Variants in CDCA8 observed in about 807,000 individuals in gnomAD.
CDCA8 encodes borealin.
CDCA8 carries 25 observed loss-of-function variants against 40.0 expected under a neutral mutation model. The observed-to-expected ratio is 0.63, with a 90% confidence interval of 0.46 to 0.87. CDCA8 has a LOEUF of 0.87. CDCA8 is among the 40% of genes least tolerant of loss of function. The pLI is 0.00. For synonymous variants in CDCA8, 111 were observed against 126.5 expected, an observed-to-expected ratio of 0.88 and a Z score of 0.82; for missense variants, 280 against 348.4, an observed-to-expected ratio of 0.80 and a Z score of 1.56.
intron 9 of CDCA8, among the ~76,000 whole-genome samples, chr1:37,707,679 G>A (rs1645610801): frequency 6.6e-6 from 1 of 152,192 alleles, no homozygotes; most frequent in Non-Finnish European, 1.5e-5. Context: ...AGAGGGCCAG[G>A]CACAGTGGCA....
rs776319476 is a variant in CDCA8 at position 37,705,426 on chromosome 1, A to C, written c.585-15A>C. ...CAATTGCCAAGCTATCTTCACAGAG[A>C]TTTTCCCATTCTAGGGTCTTCAAGA... On this transcript the variant is annotated splice_polypyrimidine_tract_variant and intron_variant, in intron 7 of 9. Transcript: ENST00000373055. The C allele has an allele frequency of 5.3e-5, 85 of 1,610,836 alleles. No individual in the cohort carries two copies. In the South Asian group the frequency reaches 6.4e-4, roughly 12 times the overall value.
chr1:37,699,895 G>A (rs966740552), intron 4 of CDCA8, among the ~76,000 whole-genome samples: 1 of 151,958 alleles, frequency 6.6e-6, no homozygotes, highest in African/African-American at 2.4e-5. Flanking sequence ...ACTCTAGCCT[G>A]GGCGATAGAG....
chr1:37,693,737 C>T (rs1266194858), intron 2 of CDCA8, among the ~76,000 whole-genome samples: 2 of 152,150 alleles, frequency 1.3e-5, no homozygotes, highest in African/African-American at 2.4e-5. Context: ...ATATTTTACC[C>T]ATTTAAAAAT....
rs1233529189 is a variant in CDCA8, at chr1:37,709,072, T to A, written c.*706T>A. On this transcript the variant is annotated 3_prime_UTR_variant, in exon 10 of 10. Transcript: ENST00000373055. ...CTGAAGTCTGCTTGTGGAGCAGTGT[T>A]TTATGTTTATCCCTGTTTACTGAAG... 2 of 152,414 alleles carry A rather than the reference T, an allele frequency of 1.3e-5. No individual in the cohort carries two copies. Among genetic ancestry groups the A allele is most frequent in the Non-Finnish European group, 2.9e-5 (2 of 68,260 alleles). The allele number at this position is 152,414 out of a possible 1,614,324, so 9.4% of individuals were successfully genotyped here.
chr1:37,699,781 G>A (rs559838491), intron 4 of CDCA8, among the ~76,000 whole-genome samples: 12 of 152,050 alleles, frequency 7.9e-5, no homozygotes, highest in Non-Finnish European at 1.5e-4. Context: ...TTAGCCGGGC[G>A]TGGTGGCGGG....
chr1:37,699,366 G>A (rs758339380), intron 4 of CDCA8, among the ~76,000 whole-genome samples: 3 of 152,160 alleles, frequency 2.0e-5, no homozygotes, highest in South Asian at 2.1e-4. Context: ...CAACTGAGAC[G>A]CTCCCTGATG....
chr1:37,700,573 A>T (rs1359720559), intron 5 of CDCA8, 52 bp downstream of exon 5: 1 of 1,029,000 alleles, frequency 9.7e-7, no homozygotes, highest in Non-Finnish European at 1.5e-6. Context: ...ACAAGCAAAT[A>T]CAAATGCATA....
At chr1:37,703,957 ATATT>A (rs769033402) in intron 7 of CDCA8, among the ~76,000 whole-genome samples, 10 of 152,174 alleles carry the variant, frequency 6.6e-5, no homozygotes, top group Admixed American at 2.0e-4. Context: ...TATTTTTAAA[ATATT>A]TATTTATTAT....
At chr1:37,706,905 G>A (rs1228092560) in intron 8 of CDCA8, 73 bp from the exon 9 acceptor site, 1 of 1,141,616 alleles carries the variant, frequency 8.8e-7, no homozygotes, top group African/African-American at 1.5e-5. Flanking sequence ...ACTAAGTGCA[G>A]GATATCAGGG....
intron 4 of CDCA8, 62 bp downstream of exon 4, chr1:37,699,039 G>A: frequency 8.7e-7 from 1 of 1,147,342 alleles, no homozygotes; most frequent in African/African-American, 1.5e-5. Flanking sequence ...TGCTTGGTTG[G>A]CTGCTCAGGC....
At position 37,703,292 on chromosome 1, in the gene CDCA8, T is replaced by C. The variant is rs774029294; in HGVS notation, c.529T>C (p.Leu177=). 7 of 1,614,044 alleles carry C rather than the reference T, an allele frequency of 4.3e-6. No individual in the cohort carries two copies. The highest frequency in any genetic ancestry group is 4.5e-5 in the East Asian group (2 of 44,874). Residue 177 remains leucine (L), a synonymous_variant, in exon 7 of 10, where the codon TTG becomes CTG. Coordinates refer to ENST00000373055, the MANE Select transcript of CDCA8 (RefSeq NM_001256875.2). ...CACTGTTACCCCAGCCGTGGGCCGA[T>C]TGGAGGTGTCCATGGTCAAACCAAC... ...ANTVTPAVGR[L]EVSMVKPTPG...
chr1:37,701,149 A>G (rs1645560650), intron 5 of CDCA8, among the ~76,000 whole-genome samples: 1 of 152,078 alleles, frequency 6.6e-6, no homozygotes, highest in Non-Finnish European at 1.5e-5. Context: ...GAGATTTGAG[A>G]GATACACTGC....
Position 37,703,260 on chromosome 1 carries a change from G to C in CDCA8, c.497G>C (p.Arg166Pro). 6.8e-6 allele frequency: 11 copies of C among 1,613,336 alleles called. No individual in the cohort carries two copies. The highest frequency in any genetic ancestry group is 9.3e-6 in the Non-Finnish European group (11 of 1,179,682). ...QGKGKGKRSS[R>P]ANTVTPAVGR... The stretch of plus-strand genomic sequence containing the variant: ...CCATTTCTTACCTGTAGGTCAAGCC[G>C]TGCTAACACTGTTACCCCAGCCGTG... Residue 166 changes from arginine (R) to proline (P), a missense_variant, in exon 7 of 10, where the codon CGT becomes CCT. Transcript: ENST00000373055.
intron 2 of CDCA8, 131 bp downstream of exon 2, chr1:37,693,164 A>C: frequency 1.2e-5 from 5 of 434,778 alleles, no homozygotes; most frequent in African/African-American, 7.1e-5. Flanking sequence ...AAAATTGCAG[A>C]CCCTTTCACT....
chr1:37,707,416 A>G (rs1294173241), intron 9 of CDCA8, among the ~76,000 whole-genome samples: 2 of 152,310 alleles, frequency 1.3e-5, no homozygotes, highest in East Asian at 3.9e-4. Flanking sequence ...TGTTATCAGG[A>G]ATCTTACAGA....
intron 2 of CDCA8, 108 bp downstream of exon 2, chr1:37,693,141 T>A: frequency 1.2e-6 from 1 of 806,638 alleles, no homozygotes; most frequent in Non-Finnish European, 1.9e-6. Flanking sequence ...AGATCTGACA[T>A]GACCACTTAT....
At chr1:37,698,234 T>C (rs762475057) in intron 3 of CDCA8, among the ~76,000 whole-genome samples, 3 of 152,202 alleles carry the variant, frequency 2.0e-5, no homozygotes, top group Non-Finnish European at 4.4e-5. Context: ...GGGAAACAAT[T>C]TGGCATAATG....
chr1:37,694,718 T>TAA (rs1645514846), intron 2 of CDCA8, among the ~76,000 whole-genome samples: 1 of 152,226 alleles, frequency 6.6e-6, no homozygotes, highest in African/African-American at 2.4e-5. Flanking sequence ...ATTGGACACT[T>TAA]TGCTCAAGGC....
chr1:37,696,175 C>T lies in CDCA8; in HGVS notation c.264+225C>T, dbSNP rs41267331. ...TGTTTTTGACCAATTTCTTGCAGTC[C>T]TTTGTTCTGAACTCTACAGCGGAAG... On this transcript the variant is annotated intron_variant, in intron 3 of 9. Transcript: ENST00000373055. The surrounding 1 kb of genome is among the most constrained non-coding windows in gnomAD (Gnocchi z 5.0). 4.4e-3 allele frequency among the ~76,000 whole-genome samples: 675 copies of T among 152,292 alleles called. 4 individuals are homozygous for T. The highest frequency in any genetic ancestry group is 6.1e-3 in the Non-Finnish European group (416 of 68,022).
Sources: allele counts gnomAD v4.1 joint callset (sites outside exome capture counted in the v4.1 genomes callset), GRCh38; gene constraint gnomAD v4.1.1; non-coding constraint Gnocchi (gnomAD v3.1); transcripts MANE v1.5; gene names NCBI Gene and HGNC (gene_info 2026-07-23, HGNC 2026-07-21).